The following DCC variants were observed in gnomAD, a reference collection of about 807,000 sequenced individuals.
DCC encodes the protein netrin receptor DCC.
In DCC, 58 loss-of-function variants were observed where a neutral mutation model predicts 172.5. That is an observed-to-expected ratio of 0.34 (90% CI 0.27 to 0.42). The LOEUF is 0.42. Ranked by LOEUF, DCC falls within the 10% of genes least tolerant of loss-of-function variation. The pLI is 1.00. For missense variants in DCC, 1,740 were observed against 1,791.0 expected, an observed-to-expected ratio of 0.97 and a Z score of 0.51; for synonymous variants, 709 against 644.5, an observed-to-expected ratio of 1.10 and a Z score of -1.52.
At chr18:52,937,913 C>T (rs932193227) in intron 5 of DCC, among the ~76,000 whole-genome samples, 1 of 152,078 alleles carries the variant, frequency 6.6e-6, no homozygotes, top group Admixed American at 6.6e-5. Flanking sequence ...ATCATTCGGA[C>T]TCTAAACTTT....
intron 1 of DCC, among the ~76,000 whole-genome samples, chr18:52,434,714 A>G (rs1354259017): frequency 6.6e-6 from 1 of 151,486 alleles, no homozygotes; most frequent in African/African-American, 2.4e-5. Context: ...ATTATTTGCT[A>G]TTTCCTAGAT....
intron 2 of DCC, among the ~76,000 whole-genome samples, chr18:52,847,459 C>T (rs2038912279): frequency 6.6e-6 from 1 of 152,140 alleles, no homozygotes; most frequent in Non-Finnish European, 1.5e-5. Flanking sequence ...ATCATCAGAA[C>T]AAATATATTT....
chr18:52,470,153 A>G (rs1233965255), intron 1 of DCC, among the ~76,000 whole-genome samples: 1 of 152,234 alleles, frequency 6.6e-6, no homozygotes, highest in Non-Finnish European at 1.5e-5. Flanking sequence ...GGGAAAAATT[A>G]TCTTTAAAAG....
intron 13 of DCC, 141 bp from the exon 14 acceptor site, chr18:53,321,906 A>G (rs546369396): frequency 1.4e-6 from 1 of 703,162 alleles, no homozygotes; most frequent in South Asian, 1.5e-5. Context: ...CTTTTAGTCA[A>G]AATAATCATT....
chr18:52,807,252 G>C (rs1484516765), intron 2 of DCC, among the ~76,000 whole-genome samples: 1 of 152,102 alleles, frequency 6.6e-6, no homozygotes, highest in African/African-American at 2.4e-5. Context: ...CATTATACTG[G>C]GTAATACTAG....
intron 1 of DCC, among the ~76,000 whole-genome samples, chr18:52,636,764 A>T (rs771371819): frequency 6.6e-6 from 1 of 152,120 alleles, no homozygotes; most frequent in African/African-American, 2.4e-5. Flanking sequence ...AAGGGCATAT[A>T]ATCTTGGGAG....
chr18:53,323,201 G>A (rs937943873), intron 14 of DCC, among the ~76,000 whole-genome samples: 1 of 151,838 alleles, frequency 6.6e-6, no homozygotes, highest in East Asian at 1.9e-4. Flanking sequence ...CCTAGTTCTT[G>A]TATTACTTTC....
At chr18:53,488,619 A>C (rs1234972346) in intron 26 of DCC, among the ~76,000 whole-genome samples, 2 of 152,144 alleles carry the variant, frequency 1.3e-5, no homozygotes, top group Non-Finnish European at 2.9e-5. Flanking sequence ...CAGCATGTGA[A>C]ACTCTCTCTT....
intron 14 of DCC, among the ~76,000 whole-genome samples, chr18:53,328,420 T>G (rs1245857129): frequency 6.6e-6 from 1 of 152,218 alleles, no homozygotes; most frequent in Admixed American, 6.5e-5. Flanking sequence ...AGTGGGTTTT[T>G]GTGAGAATTA....
rs976544645 is a variant in DCC, at chr18:53,534,629, G to C, written c.*3976G>C. 2 of 152,070 alleles carry C rather than the reference G, an allele frequency of 1.3e-5. No individual in the cohort carries two copies. Among genetic ancestry groups the C allele is most frequent in the Non-Finnish European group, 2.9e-5 (2 of 68,026 alleles). The allele number at this position is 152,070 out of a possible 1,614,324, so 9.4% of individuals were successfully genotyped here. A position where few individuals can be genotyped will look rare whatever the true frequency, so the allele number is the denominator to read the frequency against. ...GTGTTTAAAATTAAATTGGATACTT[G>C]GGAAAATCATAGATAGGTGTTTTGT... is the stretch of plus-strand genomic sequence containing the variant. On this transcript the variant is annotated 3_prime_UTR_variant, in exon 29 of 29. Coordinates refer to ENST00000442544, the MANE Select transcript of DCC (RefSeq NM_005215.4).
chr18:52,820,426 A>G (rs1348045428), intron 2 of DCC, among the ~76,000 whole-genome samples: 19 of 151,694 alleles, frequency 1.3e-4, no homozygotes, highest in Admixed American at 1.2e-3. Flanking sequence ...TTTATTTAAA[A>G]AAGAAGACTC....
rs181576416 is a variant in DCC at position 53,108,739 on chromosome 18, C to T, written c.1261+42573C>T. Among the ~76,000 whole-genome samples the T allele has an allele frequency of 1.1e-3, 163 of 151,568 alleles. 2 individuals are homozygous for T. Among genetic ancestry groups the T allele is most frequent in the Admixed American group, 5.0e-3 (75 of 15,150 alleles). On this transcript the variant is annotated intron_variant, in intron 7 of 28. Transcript: ENST00000442544. ...TTTCTGGGCATTCTTTTGGGAGAGT[C>T]GTCCATGTTGCATAGCTATAGTTTG... is the stretch of plus-strand genomic sequence containing the variant.
intron 12 of DCC, among the ~76,000 whole-genome samples, chr18:53,261,601 GT>G (rs558781335): frequency 8.5e-5 from 13 of 152,212 alleles, no homozygotes; most frequent in Admixed American, 8.5e-4. Context: ...GCCAAAGAGA[GT>G]GGCTATCACG....
intron 7 of DCC, among the ~76,000 whole-genome samples, chr18:53,107,326 G>A (rs1433396931): frequency 1.3e-5 from 2 of 151,762 alleles, no homozygotes; most frequent in African/African-American, 4.8e-5. Context: ...TGTCTTATGT[G>A]ATAGAAGTAG....
intron 3 of DCC, among the ~76,000 whole-genome samples, chr18:52,916,133 G>A (rs535877170): frequency 4.0e-5 from 6 of 151,540 alleles, no homozygotes; most frequent in Admixed American, 6.6e-5. Context: ...AAATACATAC[G>A]CAAAAATAAA....
At chr18:53,063,535 G>C (rs975652477) in intron 6 of DCC, 76 bp downstream of exon 6, 10 of 967,358 alleles carry the variant, frequency 1.0e-5, no homozygotes, top group Admixed American at 2.6e-5. Flanking sequence ...TTTATTTCTT[G>C]AAAAAAAAAA....
At chr18:53,312,421 A>G (rs1301786086) in intron 13 of DCC, among the ~76,000 whole-genome samples, 1 of 151,654 alleles carries the variant, frequency 6.6e-6, no homozygotes, top group Non-Finnish European at 1.5e-5. Context: ...ACTCTAGAAC[A>G]TATTAAATAA....
chr18:52,587,622 G>A (rs926071256), intron 1 of DCC, among the ~76,000 whole-genome samples: 1 of 152,232 alleles, frequency 6.6e-6, no homozygotes, highest in African/African-American at 2.4e-5. Flanking sequence ...CACACATCTG[G>A]CCATTTCTTC....
At position 52,993,070 on chromosome 18, in the gene DCC, A is replaced by C. The variant is rs138459088; in HGVS notation, c.985+67700A>C. ...ATCTAGTTAGAGGACTGAGTCCAGT[A>C]ATCAGTCTTTTTTTTCTAAATGATT... On this transcript the variant is annotated intron_variant, in intron 5 of 28. Coordinates refer to ENST00000442544, the MANE Select transcript of DCC (RefSeq NM_005215.4). Among the ~76,000 whole-genome samples the C allele has an allele frequency of 2.0e-3, 301 of 152,214 alleles. 2 individuals carry two copies. The highest frequency in any genetic ancestry group is 6.8e-3 in the African/African-American group (281 of 41,530).
Sources: gnomAD v4.1 joint callset for allele counts (sites outside exome capture counted in the v4.1 genomes callset) on GRCh38, gnomAD v4.1.1 for gene constraint, MANE v1.5 for transcripts, NCBI Gene and HGNC (gene_info 2026-07-23, HGNC 2026-07-21) for gene names.